Variants in CNTNAP3 observed in about 807,000 individuals in gnomAD.
CNTNAP3 encodes contactin associated protein family member 3.
Under a neutral mutation model 92.1 loss-of-function variants are expected in CNTNAP3, and 36 were observed. The ratio of observed to expected loss-of-function variants is 0.39; its 90% CI spans 0.30 to 0.52. The LOEUF (loss-of-function observed/expected upper bound fraction) is 0.52. Ranked by LOEUF, CNTNAP3 falls within the 20% of genes least tolerant of loss-of-function variation. CNTNAP3 has a pLI of 0.76. For synonymous variants in CNTNAP3, 232 were observed against 422.3 expected (o/e 0.55, Z 5.53); for missense variants, 534 against 1,069.6 (o/e 0.50, Z 6.98).
At chr9:39,149,767 G>A in intron 10 of CNTNAP3, 39 bp downstream of exon 10, 1 of 1,342,640 alleles carries the variant, frequency 7.4e-7, no homozygotes, top group Non-Finnish European at 1.0e-6. Flanking sequence ...CTTCAACTTT[G>A]AAAACAGGCA....
At chr9:39,146,685 T>C (rs949121712) in intron 10 of CNTNAP3, among the ~76,000 whole-genome samples, 4 of 150,978 alleles carry the variant, frequency 2.6e-5, no homozygotes, top group Non-Finnish European at 5.9e-5. Flanking sequence ...CGAGACTCCG[T>C]CTCAAAAAAA....
chr9:39,154,061 GAA>G (rs4057163), intron 9 of CNTNAP3: 38 of 118,822 alleles, frequency 3.2e-4, no homozygotes, highest in South Asian at 1.1e-3. Context: ...ACATTAAATA[GAA>G]AAAAAAAAAA....
chr9:39,087,216 G>A (rs367597797), intron 19 of CNTNAP3, among the ~76,000 whole-genome samples: 1 of 152,146 alleles, frequency 6.6e-6, no homozygotes, highest in Non-Finnish European at 1.5e-5. Context: ...ATGCAATATT[G>A]TATCAACATT....
At chr9:39,122,555 C>T (rs1319663086) in intron 13 of CNTNAP3, among the ~76,000 whole-genome samples, 1 of 152,166 alleles carries the variant, frequency 6.6e-6, no homozygotes, top group Non-Finnish European at 1.5e-5. Flanking sequence ...AATAAAATAA[C>T]CTTAGAGGAA....
intron 12 of CNTNAP3, 37 bp downstream of exon 12, chr9:39,140,482 C>T: frequency 6.2e-7 from 1 of 1,606,806 alleles, no homozygotes. Context: ...TCTCCTTGGT[C>T]TATTCTGATA....
chr9:39,147,433 A>G (rs1821729783), intron 10 of CNTNAP3, among the ~76,000 whole-genome samples: 1 of 152,230 alleles, frequency 6.6e-6, no homozygotes, highest in Admixed American at 6.5e-5. Flanking sequence ...TTGTGTCCCC[A>G]AAGTTTTCTA....
chr9:39,138,337 C>T (rs1420810608), intron 12 of CNTNAP3, among the ~76,000 whole-genome samples: 1 of 152,156 alleles, frequency 6.6e-6, no homozygotes, highest in Non-Finnish European at 1.5e-5. Flanking sequence ...AGCCTCTGGG[C>T]TGTGACCTTC....
chr9:39,076,128 G>A (rs1455524412), intron 23 of CNTNAP3, among the ~76,000 whole-genome samples: 3 of 152,392 alleles, frequency 2.0e-5, no homozygotes, highest in South Asian at 2.1e-4. Flanking sequence ...GTTTCCTTAC[G>A]TTTACTCCGT....
chr9:39,116,235 TA>T (rs1477314118), intron 14 of CNTNAP3, among the ~76,000 whole-genome samples: 192 of 152,276 alleles, frequency 1.3e-3, no homozygotes, highest in African/African-American at 4.4e-3. Context: ...GGCTTTCTTG[TA>T]ATAACCTGCC....
At chr9:39,087,533 C>A (rs1826089107) in intron 19 of CNTNAP3, among the ~76,000 whole-genome samples, 1 of 151,948 alleles carries the variant, frequency 6.6e-6, no homozygotes, top group Non-Finnish European at 1.5e-5. Context: ...GTCACCCAGG[C>A]TGGAGTGCAG....
At chr9:39,077,003 G>A (rs1258390439) in intron 23 of CNTNAP3, among the ~76,000 whole-genome samples, 1 of 152,026 alleles carries the variant, frequency 6.6e-6, no homozygotes, top group South Asian at 2.1e-4. Context: ...ACAAGGAAAG[G>A]TGAATGCTTA....
chr9:39,079,394 CTG>C (rs548734842), intron 21 of CNTNAP3, among the ~76,000 whole-genome samples: 252 of 148,764 alleles, frequency 1.7e-3, no homozygotes, highest in Non-Finnish European at 3.2e-3. Context: ...TCTTAATAAA[CTG>C]TATCTTTTGT....
intron 13 of CNTNAP3, among the ~76,000 whole-genome samples, chr9:39,128,519 C>A (rs976428967): frequency 4.0e-5 from 6 of 151,500 alleles, no homozygotes; most frequent in Non-Finnish European, 8.8e-5. Context: ...AATCCAATGT[C>A]CTTTCAAAAT....
intron 18 of CNTNAP3, among the ~76,000 whole-genome samples, chr9:39,091,403 A>G (rs1229781485): frequency 6.6e-6 from 1 of 152,078 alleles, no homozygotes; most frequent in Non-Finnish European, 1.5e-5. Flanking sequence ...ACAAAAATAC[A>G]TGAAAGGATG....
chr9:39,218,469 T>C, intron 3 of CNTNAP3, among the ~76,000 whole-genome samples: 1 of 8,992 alleles, frequency 1.1e-4, no homozygotes, highest in African/African-American at 1.3e-4. Flanking sequence ...TCTTGCTCTG[T>C]CGCCCAGGCT....
chr9:39,081,646 C>A (rs1475653), intron 21 of CNTNAP3, among the ~76,000 whole-genome samples: 4 of 151,782 alleles, frequency 2.6e-5, no homozygotes, highest in Non-Finnish European at 5.9e-5. Flanking sequence ...TCCCAGCCCA[C>A]TGAAGTCATG....
chr9:39,110,364 C>G (rs1826715480), intron 14 of CNTNAP3, among the ~76,000 whole-genome samples: 1 of 152,188 alleles, frequency 6.6e-6, no homozygotes, highest in South Asian at 2.1e-4. Context: ...CCACTGCACT[C>G]CAGCCTGGGT....
At chr9:39,084,610 C>G (rs1826026681) in intron 21 of CNTNAP3, among the ~76,000 whole-genome samples, 2 of 152,114 alleles carry the variant, frequency 1.3e-5, no homozygotes, top group African/African-American at 4.8e-5. Context: ...AAATTAGTGG[C>G]TTCTCTATTA....
intron 18 of CNTNAP3, among the ~76,000 whole-genome samples, chr9:39,096,525 C>T (rs11788895): frequency 0.23 from 34,616 of 150,968 alleles, 4,258 homozygotes; most frequent in East Asian, 0.38. Context: ...ATATCCATCA[C>T]CTTAAACATT....
Sources: gnomAD v4.1 joint callset for allele counts (sites outside exome capture counted in the v4.1 genomes callset) on GRCh38, gnomAD v4.1.1 for gene constraint, MANE v1.5 for transcripts, NCBI Gene and HGNC (gene_info 2026-07-23, HGNC 2026-07-21) for gene names.